Variants in SNED1 observed in about 807,000 individuals in gnomAD.
SNED1 encodes the protein sushi, nidogen and EGF like domains 1.
SNED1 carries 81 observed loss-of-function variants against 166.7 expected under a neutral mutation model. The observed-to-expected ratio is 0.49, with a 90% confidence interval of 0.41 to 0.58. SNED1 has a LOEUF of 0.58. SNED1 is among the 20% of genes least tolerant of loss of function. SNED1 has a pLI of 0.00. For missense variants in SNED1, 1,604 were observed against 2,000.2 expected, an observed-to-expected ratio of 0.80 and a Z score of 3.78; for synonymous variants, 762 against 822.0, an observed-to-expected ratio of 0.93 and a Z score of 1.25.
Position 241,073,221 on chromosome 2 carries a change from G to A in SNED1, c.3818-45G>A, listed in dbSNP as rs768028858. On this transcript the variant is annotated intron_variant, in intron 26 of 31. Coordinates refer to ENST00000310397, the MANE Select transcript of SNED1 (RefSeq NM_001080437.3). The surrounding 1 kb of genome is among the most constrained non-coding windows in gnomAD (Gnocchi z 6.6). ...AAGGGTGGCCCCAGGACCATCCCGG[G>A]TGCAAAGCAGCTGCGCCGTGTGGTC... The A allele has an allele frequency of 2.8e-6, 4 of 1,440,178 alleles. No individual in the cohort carries two copies. The highest frequency in any genetic ancestry group is 1.9e-6 in the Non-Finnish European group (2 of 1,048,136). The allele number at this position is 1,440,178 out of a possible 1,614,324, so 89.2% of individuals were successfully genotyped here. A position where few individuals can be genotyped will look rare whatever the true frequency, so the allele number is the denominator to read the frequency against.
At position 241,091,199 on chromosome 2, in the gene SNED1, AAC is replaced by A. The variant is rs2063953945; in HGVS notation, c.*2-434_*2-433del. 6.6e-6 allele frequency among the ~76,000 whole-genome samples: 1 copy of A among 152,230 alleles called. No homozygotes were observed. The highest frequency in any genetic ancestry group is 2.4e-5 in the African/African-American group (1 of 41,462). On this transcript the variant is annotated intron_variant, in intron 31 of 31. Transcript: ENST00000310397. The surrounding 1 kb of genome is among the most constrained non-coding windows in gnomAD (Gnocchi z 4.1). ...AACACACAAAAAAGCAGGAAACAGA[AAC>A]ACACGCACCCAGACACCCATCCAAG...
chr2:241,084,810 C>A (rs2063503322), intron 29 of SNED1, among the ~76,000 whole-genome samples: 1 of 152,166 alleles, frequency 6.6e-6, no homozygotes, highest in Non-Finnish European at 1.5e-5. Context: ...TAGCACAGGT[C>A]TGCAGGAGAT....
chr2:241,019,121 G>A (rs931430634), intron 1 of SNED1, among the ~76,000 whole-genome samples: 1 of 151,540 alleles, frequency 6.6e-6, no homozygotes, highest in Non-Finnish European at 1.5e-5. Flanking sequence ...TGGACCAGGA[G>A]CACATGCCCA....
intron 18 of SNED1, 43 bp from the exon 19 acceptor site, chr2:241,063,969 C>A: frequency 7.1e-7 from 1 of 1,401,758 alleles, no homozygotes; most frequent in Non-Finnish European, 9.9e-7. Flanking sequence ...CTCCCCCAGA[C>A]TCCCCCCTTG....
chr2:241,087,127 T>C, intron 29 of SNED1: 1 of 417,856 alleles, frequency 2.4e-6, no homozygotes, highest in Admixed American at 4.4e-5. Context: ...TTTAGTACCA[T>C]ATCCTTTGTC....
At chr2:241,078,672 G>A (rs2063166412) in intron 27 of SNED1, among the ~76,000 whole-genome samples, 1 of 151,802 alleles carries the variant, frequency 6.6e-6, no homozygotes, top group African/African-American at 2.4e-5. Context: ...CAGCTAAAAG[G>A]TACAAGGTTT....
chr2:241,007,358 A>T (rs543682878), intron 1 of SNED1, among the ~76,000 whole-genome samples: 1 of 152,350 alleles, frequency 6.6e-6, no homozygotes, highest in Admixed American at 6.5e-5. Flanking sequence ...TTCACTGTTG[A>T]CTTACTCACT....
At position 241,063,590 on chromosome 2, in the gene SNED1, G is replaced by C; in HGVS notation, c.2375G>C (p.Arg792Thr). The change falls in exon 18 of 32, where the codon AGG becomes ACG. Residue 792 changes from arginine to threonine, a missense_variant. By Grantham distance (71) the Arg-to-Thr change is moderately conservative. Transcript: ENST00000310397. ...TTGACACCCCTTCTCTGTGCAGAGA[G>C]GGATGAGTGCCGAGCTCACCCGTGC... ...GYEGAHCELERDECRAHPCRN... is the reference protein window; with the variant it reads ...GYEGAHCELETDECRAHPCRN... 6.3e-7 allele frequency: 1 copy of C among 1,598,772 alleles called. No individual in the cohort carries two copies. Among genetic ancestry groups the C allele is most frequent in the Non-Finnish European group, 8.5e-7 (1 of 1,169,752 alleles).
At chr2:241,036,202 C>T (rs1010675737) in intron 4 of SNED1, among the ~76,000 whole-genome samples, 1 of 151,770 alleles carries the variant, frequency 6.6e-6, no homozygotes, top group African/African-American at 2.4e-5. Context: ...CTGAGGGCTG[C>T]AGGTGGTGCC....
At chr2:241,090,073 TGTAA>T in intron 31 of SNED1, 1 of 1,517,380 alleles carries the variant, frequency 6.6e-7, no homozygotes, top group Non-Finnish European at 8.8e-7. Context: ...CTTAGCTTAC[TGTAA>T]CTTTTTTACT....
intron 1 of SNED1, among the ~76,000 whole-genome samples, chr2:241,003,807 T>C (rs1268951107): frequency 6.6e-6 from 1 of 152,262 alleles, no homozygotes; most frequent in African/African-American, 2.4e-5. Context: ...TGAAGTGTTA[T>C]CTGTGACACT....
chr2:241,045,978 A>G (rs771658870), intron 8 of SNED1, among the ~76,000 whole-genome samples: 1 of 152,216 alleles, frequency 6.6e-6, no homozygotes, highest in Admixed American at 6.5e-5. Context: ...AAACAACCCA[A>G]TTTTAAAAAT....
chr2:241,068,239 A>C lies in SNED1; in HGVS notation c.3194+292A>C, dbSNP rs370530450. Among the ~76,000 whole-genome samples the C allele has an allele frequency of 9.4e-4, 140 of 149,436 alleles. 2 individuals carry two copies. Among genetic ancestry groups the C allele is most frequent in the African/African-American group, 3.3e-3 (132 of 40,406 alleles). On this transcript the variant is annotated intron_variant, in intron 22 of 31. Coordinates refer to ENST00000310397, the MANE Select transcript of SNED1 (RefSeq NM_001080437.3). The surrounding 1 kb of genome is among the most constrained non-coding windows in gnomAD (Gnocchi z 5.3). Reference sequence around the variant, plus strand: ...CGGGGGCACACTTTCCACACAGATCATGAGAGTGACTTGGCCCCTCAGAGA... The same window carrying C: ...CGGGGGCACACTTTCCACACAGATCCTGAGAGTGACTTGGCCCCTCAGAGA...
At position 241,061,854 on chromosome 2, in the gene SNED1, CAAA is replaced by C. The variant is rs1008386547; in HGVS notation, c.2258-926_2258-924del. On this transcript the variant is annotated intron_variant, in intron 16 of 31. Transcript: ENST00000310397. ...GGCAACGAGCGAAACTCCATCCCCCCAAAAAAAAAAAAAGAAAAAAAGAAAACA... is the reference window on the plus strand; with the variant it reads ...GGCAACGAGCGAAACTCCATCCCCCCAAAAAAAAAAGAAAAAAAGAAAACA... Among the ~76,000 whole-genome samples, 10 of 118,144 alleles carry C rather than the reference CAAA, an allele frequency of 8.5e-5. No individual in the cohort carries two copies. The South Asian group carries it at 1.6e-3, about 19-fold the overall frequency. The allele number at this position is 118,144 out of a possible 152,430, so 77.5% of individuals were successfully genotyped here.
Position 241,052,176 on chromosome 2 carries a change from C to A in SNED1, c.1969+19C>A. On this transcript the variant is annotated intron_variant, in intron 14 of 31. Coordinates refer to ENST00000310397, the MANE Select transcript of SNED1 (RefSeq NM_001080437.3). ...GAGATAGGTAAGGTGGGTGGGAGGC[C>A]AGGCCAGGGCGGCCAGGGGTGAACC... The A allele has an allele frequency of 6.3e-7, 1 of 1,599,786 alleles. No homozygotes were observed. The highest frequency in any genetic ancestry group is 8.6e-7 in the Non-Finnish European group (1 of 1,167,210).
At chr2:241,084,083 A>G (rs10168500) in intron 29 of SNED1, among the ~76,000 whole-genome samples, 23,373 of 150,438 alleles carry the variant, frequency 0.16, 2,485 homozygotes, top group African/African-American at 0.31. Context: ...CCTTAACACA[A>G]TGTACCCTTA....
intron 8 of SNED1, among the ~76,000 whole-genome samples, chr2:241,041,977 C>T (rs1378879358): frequency 6.6e-6 from 1 of 152,214 alleles, no homozygotes; most frequent in Non-Finnish European, 1.5e-5. Context: ...GCCTGTCACC[C>T]CTGAGAAAAG....
At chr2:241,071,923 T>C in intron 26 of SNED1, 45 bp downstream of exon 26, 2 of 1,435,028 alleles carry the variant, frequency 1.4e-6, no homozygotes, top group Non-Finnish European at 1.9e-6. Flanking sequence ...CCCACCCTCG[T>C]CCTCACTGCC....
chr2:241,025,327 T>C (rs780579645), intron 1 of SNED1, among the ~76,000 whole-genome samples: 2 of 152,156 alleles, frequency 1.3e-5, no homozygotes, highest in Admixed American at 6.5e-5. Context: ...AAAAATTGTC[T>C]TCTATGAAAC....
Sources: allele counts gnomAD v4.1 joint callset (sites outside exome capture counted in the v4.1 genomes callset), GRCh38; gene constraint gnomAD v4.1.1; non-coding constraint Gnocchi (gnomAD v3.1); transcripts MANE v1.5; gene names NCBI Gene and HGNC (gene_info 2026-07-23, HGNC 2026-07-21).